The following GPHN variants were observed in gnomAD, a reference collection of about 807,000 sequenced individuals.
The protein encoded by GPHN is gephyrin.
GPHN carries 17 observed loss-of-function variants against 95.5 expected under a neutral mutation model. The observed-to-expected ratio is 0.18, with a 90% CI of 0.12 to 0.27. GPHN has a LOEUF of 0.27. GPHN is among the 10% of genes least tolerant of loss of function. The probability of loss-of-function intolerance (pLI) is 1.00; values close to 1 mark genes in which losing one functional copy is unlikely to be tolerated. For missense variants in GPHN, 660 were observed against 978.1 expected (o/e 0.67, Z 4.34); for synonymous variants, 320 against 322.5 (o/e 0.99, Z 0.08).
chr14:67,107,010 G>A (rs1567340324), intron 13 of GPHN, among the ~76,000 whole-genome samples: 2 of 152,110 alleles, frequency 1.3e-5, no homozygotes, highest in African/African-American at 2.4e-5. Context: ...TGGTTGCAAA[G>A]GGTATGGTGA....
intron 4 of GPHN, among the ~76,000 whole-genome samples, chr14:66,853,215 T>C (rs1051668956): frequency 6.6e-6 from 1 of 152,214 alleles, no homozygotes; most frequent in African/African-American, 2.4e-5. Context: ...TTATACTAAT[T>C]TATTTTGAAA....
chr14:67,193,625 C>A, the GPHN span, among the ~76,000 whole-genome samples: 1 of 144,136 alleles, frequency 6.9e-6, no homozygotes, highest in Non-Finnish European at 1.5e-5. Flanking sequence ...AGAAATATAT[C>A]TATCTATATA....
intron 2 of GPHN, among the ~76,000 whole-genome samples, chr14:66,750,763 G>A (rs924842391): frequency 1.1e-4 from 16 of 151,824 alleles, no homozygotes; most frequent in African/African-American, 3.9e-4. Context: ...TGATTAAACC[G>A]GTTCTAAGAC....
intron 6 of GPHN, among the ~76,000 whole-genome samples, chr14:66,916,946 T>A (rs2153558645): frequency 6.6e-6 from 1 of 152,354 alleles, no homozygotes; most frequent in South Asian, 2.1e-4. Context: ...AGTGTGAATA[T>A]GCCTAAGATT....
At chr14:67,632,498 C>T in the GPHN span, among the ~76,000 whole-genome samples, 1 of 152,152 alleles carries the variant, frequency 6.6e-6, no homozygotes, top group African/African-American at 2.4e-5. Context: ...ACAGACTTCT[C>T]ATATCTTAAC....
At chr14:66,632,850 T>C (rs1162487284) in intron 1 of GPHN, among the ~76,000 whole-genome samples, 1 of 152,158 alleles carries the variant, frequency 6.6e-6, no homozygotes, top group African/African-American at 2.4e-5. Context: ...CCACGTTTGT[T>C]ATGCCATGTA....
the GPHN span, among the ~76,000 whole-genome samples, chr14:67,553,614 T>G: frequency 6.6e-6 from 1 of 152,234 alleles, no homozygotes; most frequent in African/African-American, 2.4e-5. Flanking sequence ...GGAAGGGTTA[T>G]GCAGTACCAA....
At chr14:67,415,621 A>G in the GPHN span, among the ~76,000 whole-genome samples, 2 of 152,256 alleles carry the variant, frequency 1.3e-5, no homozygotes, top group Admixed American at 6.5e-5. Context: ...CTACGCCAGC[A>G]TTCAGTATAG....
chr14:67,537,346 AAATAATAAT>A, the GPHN span, among the ~76,000 whole-genome samples: 10 of 126,606 alleles, frequency 7.9e-5, no homozygotes, highest in African/African-American at 2.5e-4. Flanking sequence ...TCCATCTCAA[AAATAATAAT>A]AATAATAATA....
intron 1 of GPHN, among the ~76,000 whole-genome samples, chr14:66,646,330 G>A (rs913460342): frequency 6.6e-6 from 1 of 152,084 alleles, no homozygotes; most frequent in Non-Finnish European, 1.5e-5. Flanking sequence ...AACAAATGTT[G>A]GTGAGGATAT....
intron 1 of GPHN, among the ~76,000 whole-genome samples, chr14:66,519,025 A>G (rs747202185): frequency 2.0e-5 from 3 of 152,042 alleles, no homozygotes; most frequent in Non-Finnish European, 4.4e-5. Flanking sequence ...AAGATGATGG[A>G]TATATTAATT....
chr14:66,531,414 T>A (rs977021813), intron 1 of GPHN, among the ~76,000 whole-genome samples: 18 of 152,118 alleles, frequency 1.2e-4, no homozygotes, highest in African/African-American at 4.3e-4. Flanking sequence ...CAGCCTGGGC[T>A]ACAAGAGTTA....
chr14:67,100,187 G>T (rs573314929), intron 12 of GPHN, among the ~76,000 whole-genome samples: 3 of 152,028 alleles, frequency 2.0e-5, no homozygotes, highest in Non-Finnish European at 4.4e-5. Context: ...TTAAAAAACT[G>T]TGCTACAATT....
At chr14:66,597,735 G>A (rs1204374706) in intron 1 of GPHN, among the ~76,000 whole-genome samples, 2 of 152,156 alleles carry the variant, frequency 1.3e-5, no homozygotes, top group Non-Finnish European at 2.9e-5. Context: ...GGCTCTTGCA[G>A]CTTTGTGGAG....
rs763888545 is a variant in GPHN at position 66,916,030 on chromosome 14, G to A, written c.417G>A (p.Thr139=). 6.2e-6 allele frequency: 10 copies of A among 1,603,768 alleles called. No individual in the cohort carries two copies. The highest frequency in any genetic ancestry group is 3.3e-5 in the South Asian group (3 of 90,860). ...SRPVCGIRGK[T]LIINLPGSKK... ...CTGTATGTGGAATCAGAGGGAAAAC[G>A]CTCATAATTAACCTGCCAGGTAGCA... Residue 139 remains threonine (T), a synonymous_variant, in exon 6 of 23, where the codon ACG becomes ACA. Coordinates refer to ENST00000478722, the MANE Select transcript of GPHN (RefSeq NM_020806.5).
the GPHN span, chr14:67,203,124 C>A: frequency 1.2e-6 from 2 of 1,613,578 alleles, no homozygotes; most frequent in Non-Finnish European, 1.7e-6. Context: ...CATTTACCTT[C>A]ATAACCGAGC....
At chr14:67,131,768 T>G (rs2079730955) in intron 17 of GPHN, among the ~76,000 whole-genome samples, 1 of 152,194 alleles carries the variant, frequency 6.6e-6, no homozygotes, top group Admixed American at 6.5e-5. Flanking sequence ...CAAGCGGTAA[T>G]CATTATCCAA....
At chr14:67,381,543 T>C in the GPHN span, 19 of 1,448,062 alleles carry the variant, frequency 1.3e-5, no homozygotes, top group Non-Finnish European at 1.7e-5. Context: ...CTTTAAACTT[T>C]TAAATATTTT....
the GPHN span, among the ~76,000 whole-genome samples, chr14:67,380,166 G>C: frequency 6.6e-6 from 1 of 152,150 alleles, no homozygotes; most frequent in East Asian, 1.9e-4. Context: ...CAACAAACAT[G>C]CCAGTTAATA....
Sources: gnomAD v4.1 joint callset for allele counts (sites outside exome capture counted in the v4.1 genomes callset) on GRCh38, gnomAD v4.1.1 for gene constraint, MANE v1.5 for transcripts, NCBI Gene and HGNC (gene_info 2026-07-23, HGNC 2026-07-21) for gene names.